The following TMPRSS7 variants were observed in gnomAD, a reference collection of about 807,000 sequenced individuals.
The protein encoded by TMPRSS7 is transmembrane serine protease 7.
A neutral mutation model predicts 95.6 loss-of-function variants in TMPRSS7; 81 were observed. The observed-to-expected ratio is 0.85, with a 90% confidence interval of 0.71 to 1.02. The LOEUF is 1.02. TMPRSS7 is among the 50% of genes least tolerant of loss of function. The pLI is 0.00. For synonymous variants in TMPRSS7, 364 were observed against 337.8 expected, an observed-to-expected ratio of 1.08 and a Z score of -0.85; for missense variants, 945 against 955.2, an observed-to-expected ratio of 0.99 and a Z score of 0.14.
Position 112,050,666 on chromosome 3 carries a change from T to A in TMPRSS7, c.1091-5T>A, listed in dbSNP as rs963563078. The A allele has an allele frequency of 2.6e-6, 4 of 1,565,240 alleles. No homozygotes were observed. Among genetic ancestry groups the A allele is most frequent in the Non-Finnish European group, 3.5e-6 (4 of 1,152,390 alleles). On this transcript the variant is annotated splice_region_variant and splice_polypyrimidine_tract_variant and intron_variant, in intron 8 of 17. Coordinates refer to ENST00000452346, the Ensembl canonical transcript of TMPRSS7. ...TCATTGTGTGTCACTGGGTATCTTT[T>A]CCAGAGTGTGAAAACACAGTGTTGG...
Position 112,050,795 on chromosome 3 carries a change from C to T in TMPRSS7, c.1203+12C>T. 6.9e-7 allele frequency: 1 copy of T among 1,446,608 alleles called. No homozygotes were observed. 89.6% of individuals were successfully genotyped at this position (1,446,608 alleles called of 1,614,324 possible). On this transcript the variant is annotated intron_variant, in intron 9 of 17. Transcript: ENST00000452346. ...CCTGGAAATTTCAGGTAGCCTAGTT[C>T]TACCAGTGTCTTAGAAAAATATTAC...
rs778062274 is a variant in TMPRSS7, at chr3:112,050,748, T to G, written c.1168T>G (p.Tyr390Asp). The change falls in exon 9 of 18, where the codon TAT becomes GAT. Residue 390 changes from tyrosine to aspartate, a missense_variant. Transcript: ENST00000452346. ...TTCAAGCCCATATTACCCGAGCTAC[T>G]ATCCTCCAAAATGCAAGTGTACCTG... 3.1e-6 allele frequency: 5 copies of G among 1,601,772 alleles called. No homozygotes were observed. The Admixed American group carries it at 8.7e-5, about 28-fold the overall frequency.
intron 13 of TMPRSS7, among the ~76,000 whole-genome samples, chr3:112,069,554 G>A (rs1294016605): frequency 6.6e-6 from 1 of 152,190 alleles, no homozygotes; most frequent in Non-Finnish European, 1.5e-5. Context: ...TTAGTCTTGG[G>A]AGGGTATATG....
chr3:112,078,958 G>T, intron 17 of TMPRSS7, 80 bp downstream of exon 17: 1 of 1,511,076 alleles, frequency 6.6e-7, no homozygotes. Flanking sequence ...ATAACACTGG[G>T]AAATAACCAG....
chr3:112,044,067 T>C (rs544174579), intron 3 of TMPRSS7, among the ~76,000 whole-genome samples, 188 bp from the exon 4 acceptor site: 3 of 152,200 alleles, frequency 2.0e-5, no homozygotes, highest in Non-Finnish European at 2.9e-5. Flanking sequence ...AGTAAGTCAC[T>C]CAAGATTGTT....
intron 9 of TMPRSS7, 58 bp downstream of exon 9, chr3:112,050,841 G>A: frequency 1.2e-6 from 1 of 815,232 alleles, no homozygotes; most frequent in Non-Finnish European, 1.9e-6. Context: ...TTAATAGCAT[G>A]AATTTCATTC....
chr3:112,036,586 G>A (rs1199427061), intron 1 of TMPRSS7, among the ~76,000 whole-genome samples: 7 of 151,828 alleles, frequency 4.6e-5, no homozygotes, highest in Admixed American at 4.6e-4. Context: ...AAAAGGAGGG[G>A]GGAGGGGCTG....
chr3:112,053,783 T>C (rs2073395302), intron 9 of TMPRSS7, among the ~76,000 whole-genome samples: 1 of 152,200 alleles, frequency 6.6e-6, no homozygotes, highest in Non-Finnish European at 1.5e-5. Flanking sequence ...GCCTCCTCCA[T>C]AAATAAATTC....
At chr3:112,045,240 C>T (rs138745505) in intron 4 of TMPRSS7, among the ~76,000 whole-genome samples, 43 of 152,216 alleles carry the variant, frequency 2.8e-4, no homozygotes, top group African/African-American at 9.9e-4. Flanking sequence ...GTCTGCCTCC[C>T]GGGTTCAAGC....
chr3:112,081,005 G>A lies in TMPRSS7; in HGVS notation c.2453G>A (p.Arg818Gln), dbSNP rs774677609. 2.7e-5 allele frequency: 44 copies of A among 1,613,638 alleles called. No individual in the cohort carries two copies. The highest frequency in any genetic ancestry group is 3.1e-5 in the Non-Finnish European group (36 of 1,179,882). Reference sequence around the variant, plus strand: ...GTTAGCTGGGGACATGGAAGTGGACGACCAAACTTTCCTGGTGTTTACACA... The same window carrying A: ...GTTAGCTGGGGACATGGAAGTGGACAACCAAACTTTCCTGGTGTTTACACA... The change falls in exon 18 of 18, where the codon CGA (arginine) becomes CAA (glutamine). Residue 818 changes from arginine to glutamine, a missense_variant. Coordinates refer to ENST00000452346, the Ensembl canonical transcript of TMPRSS7.
chr3:112,061,081 G>A (rs2073498603), intron 10 of TMPRSS7, among the ~76,000 whole-genome samples: 1 of 152,036 alleles, frequency 6.6e-6, no homozygotes, highest in East Asian at 1.9e-4. Context: ...TTCTCTGTGG[G>A]AAGAGCCTCA....
chr3:112,042,957 C>A (rs1230481409), intron 3 of TMPRSS7: 1 of 454,370 alleles, frequency 2.2e-6, no homozygotes, highest in Non-Finnish European at 4.4e-6. Context: ...ATGAACTTGA[C>A]ACAATGACTG....
At chr3:112,038,217 A>G in exon 2 of TMPRSS7, 1 of 703,016 alleles carries the variant, frequency 1.4e-6, no homozygotes, top group Non-Finnish European at 2.6e-6. Context: ...AAGCAATCCA[A>G]GAAAAAAGTT....
intron 13 of TMPRSS7, among the ~76,000 whole-genome samples, chr3:112,067,358 C>T (rs999556631): frequency 6.6e-6 from 1 of 152,148 alleles, no homozygotes; most frequent in African/African-American, 2.4e-5. Flanking sequence ...AATGGGATGG[C>T]TGGGTCAAAT....
At chr3:112,077,266 T>A in intron 16 of TMPRSS7, 122 bp downstream of exon 16, 1 of 1,104,972 alleles carries the variant, frequency 9.1e-7, no homozygotes, top group Non-Finnish European at 1.3e-6. Context: ...TCCTGACAAC[T>A]CTGGAAGGTT....
intron 10 of TMPRSS7, among the ~76,000 whole-genome samples, chr3:112,058,065 ACC>A (rs2073453558): frequency 6.6e-6 from 1 of 152,190 alleles, no homozygotes; most frequent in Non-Finnish European, 1.5e-5. Flanking sequence ...CCCTGTCTTG[ACC>A]ACAGAATATC....
At chr3:112,035,525 G>T (rs2073145065) in intron 1 of TMPRSS7, among the ~76,000 whole-genome samples, 1 of 152,154 alleles carries the variant, frequency 6.6e-6, no homozygotes, top group African/African-American at 2.4e-5. Flanking sequence ...AAGACTGGAG[G>T]GCATGAATTT....
intron 11 of TMPRSS7, among the ~76,000 whole-genome samples, chr3:112,063,052 G>A (rs60031977): frequency 0.042 from 6,385 of 152,266 alleles, 400 homozygotes; most frequent in African/African-American, 0.13. Context: ...ATGTTTTGGA[G>A]CACAGCTCAC....
chr3:112,071,495 C>T (rs1054228035), intron 13 of TMPRSS7, among the ~76,000 whole-genome samples: 5 of 152,160 alleles, frequency 3.3e-5, no homozygotes, highest in African/African-American at 1.2e-4. Flanking sequence ...GTTGGCCTGC[C>T]ATGTAAGGTT....
Sources: allele counts gnomAD v4.1 joint callset (sites outside exome capture counted in the v4.1 genomes callset), GRCh38; gene constraint gnomAD v4.1.1; transcripts MANE v1.5; gene names NCBI Gene and HGNC (gene_info 2026-07-23, HGNC 2026-07-21).